BRD9: variants seen among roughly 807,000 people sequenced by gnomAD.
BRD9 encodes the protein bromodomain-containing protein 9.
In BRD9, 47 loss-of-function variants were observed where a neutral mutation model predicts 68.7. The ratio of observed to expected loss-of-function variants is 0.68; its 90% confidence interval spans 0.54 to 0.87. The LOEUF (loss-of-function observed/expected upper bound fraction) is 0.87, where lower values mean the gene tolerates loss of function less well. BRD9 is among the 40% of genes least tolerant of loss of function. The pLI is 0.00. For synonymous variants in BRD9, 313 were observed against 293.9 expected (o/e 1.06, Z -0.67); for missense variants, 670 against 748.4 (o/e 0.90, Z 1.22).
chr5:868,959 G>A (rs1381976893), intron 14 of BRD9: 2 of 201,214 alleles, frequency 9.9e-6, no homozygotes, highest in African/African-American at 4.8e-5. Context: ...CCTCCCAGGT[G>A]AGGGCACAGT....
chr5:885,834 G>A (rs748322458), intron 7 of BRD9, among the ~76,000 whole-genome samples: 4 of 152,208 alleles, frequency 2.6e-5, no homozygotes, highest in Admixed American at 6.5e-5. Flanking sequence ...CGATACTCTC[G>A]CTTTGTTTGG....
chr5:887,474 GA>G lies in BRD9; in HGVS notation c.607-4del. On this transcript the variant is annotated splice_region_variant and splice_polypyrimidine_tract_variant and intron_variant, in intron 5 of 15. Coordinates refer to ENST00000467963, the MANE Select transcript of BRD9 (RefSeq NM_023924.5). ...TCACACATCAGCTTGAAATCTGCCT[GA>G]AAAGAAAACAGGAAAGACTTATCAG... 1 of 1,608,812 alleles carries G rather than the reference GA, an allele frequency of 6.2e-7. No homozygotes were observed. The highest frequency in any genetic ancestry group is 1.3e-5 in the African/African-American group (1 of 74,866).
chr5:881,260 G>A (rs2150599598), intron 8 of BRD9, 78 bp from the exon 9 acceptor site: 2 of 1,325,404 alleles, frequency 1.5e-6, no homozygotes, highest in South Asian at 1.2e-5. Flanking sequence ...CCAACAAGCA[G>A]GGCTTAATGG....
At chr5:889,417 CTAA>C (rs1038587156) in intron 4 of BRD9, among the ~76,000 whole-genome samples, 167 bp downstream of exon 4, 1 of 152,180 alleles carries the variant, frequency 6.6e-6, no homozygotes, top group African/African-American at 2.4e-5. Flanking sequence ...GAGTGAGCCA[CTAA>C]TGAGTTCATG....
chr5:886,775 C>A, intron 6 of BRD9, 68 bp from the exon 7 acceptor site: 1 of 1,609,470 alleles, frequency 6.2e-7, no homozygotes, highest in South Asian at 1.1e-5. Flanking sequence ...CTCCTAGAAT[C>A]AGAAAGGACA....
chr5:889,595 C>T lies in BRD9; in HGVS notation c.453G>A (p.Gln151=). Residue 151 remains glutamine, a synonymous_variant, in exon 4 of 16, where the codon CAG becomes CAA. Transcript: ENST00000467963. The stretch of plus-strand genomic sequence containing the variant: ...GAAACGCCCCGGTTTACCTCTGAAG[C>T]TGGCGGAGGAAGTGTTCCAGGAGTT... ...IQQLLEHFLR[Q]LQRKDPHGFF... is the part of the protein sequence containing the mutation. 1 of 1,613,744 alleles carries T rather than the reference C, an allele frequency of 6.2e-7. No individual in the cohort carries two copies. The highest frequency in any genetic ancestry group is 8.5e-7 in the Non-Finnish European group (1 of 1,179,790).
chr5:865,017 C>T (rs1336310862), intron 15 of BRD9, among the ~76,000 whole-genome samples: 1 of 152,206 alleles, frequency 6.6e-6, no homozygotes, highest in Non-Finnish European at 1.5e-5. Flanking sequence ...CCAAGATTCA[C>T]TCTGCCGACA....
chr5:892,117 C>A, intron 1 of BRD9: 1 of 533,012 alleles, frequency 1.9e-6, no homozygotes, highest in Non-Finnish European at 3.3e-6. Context: ...GTTCACATTA[C>A]TCGTTCAAGA....
In BRD9 at chr5:884,046, A is replaced by G. The variant is rs2150616227; in HGVS notation, c.858T>C (p.Asn286=). 6.2e-7 allele frequency: 1 copy of G among 1,613,752 alleles called. No individual in the cohort carries two copies. The highest frequency in any genetic ancestry group is 8.5e-7 in the Non-Finnish European group (1 of 1,180,028). The part of the protein sequence containing the change: ...VISCMFEPEG[N]ACSLTDSTAE... ...CGGTACTGTCCGTCAAGCTGCAGGC[A>G]TTCCCTTCAGGCTCAAACATGCAGC... Residue 286 remains asparagine, a synonymous_variant, in exon 8 of 16, where the codon AAT becomes AAC. Transcript: ENST00000467963.
chr5:867,187 GGTGT>G (rs1749498808), intron 14 of BRD9, among the ~76,000 whole-genome samples: 1 of 152,228 alleles, frequency 6.6e-6, no homozygotes, highest in African/African-American at 2.4e-5. Flanking sequence ...GCTTCCACAT[GGTGT>G]TGGGTATGTG....
At position 864,339 on chromosome 5, in the gene BRD9, T is replaced by C. The variant is rs1749025875; in HGVS notation, c.*129A>G. On this transcript the variant is annotated 3_prime_UTR_variant, in exon 16 of 16. Coordinates refer to ENST00000467963, the MANE Select transcript of BRD9 (RefSeq NM_023924.5). The stretch of plus-strand genomic sequence containing the variant: ...CTGACATGATACCACAGACAATTCA[T>C]TACCTCCCCGCGGCTGCTTCCCGCA... 2 of 681,660 alleles carry C rather than the reference T, an allele frequency of 2.9e-6. No individual in the cohort carries two copies. The highest frequency in any genetic ancestry group is 4.7e-6 in the Non-Finnish European group (2 of 423,532). 42.2% of individuals were successfully genotyped at this position (681,660 alleles called of 1,614,324 possible).
chr5:876,111 T>C lies in BRD9; in HGVS notation c.1373A>G (p.Gln458Arg). Residue 458 changes from glutamine (Q) to arginine (R), a missense_variant, in exon 12 of 16, where the codon CAG becomes CGG. Around this residue, in one of 5 missense-constraint regions of BRD9, gnomAD observed 280 missense variants for 281.5 expected, o/e 0.99. Coordinates refer to ENST00000467963, the MANE Select transcript of BRD9 (RefSeq NM_023924.5). ...TGGDHSRTLFQLKQRRNVPMK... is the reference protein window; with the variant it reads ...TGGDHSRTLFRLKQRRNVPMK... ...GCGAGTGCAGCCCACCTGCTTCAGC[T>C]GGAAGAGCGTCCTAGAGTGGTCTCC... 1 of 1,612,166 alleles carries C rather than the reference T, an allele frequency of 6.2e-7. No homozygotes were observed. The highest frequency in any genetic ancestry group is 1.1e-5 in the South Asian group (1 of 91,014).
rs181754029 is a variant in BRD9, at chr5:882,944, G to T, written c.966+994C>A. 329 of 257,060 alleles carry T rather than the reference G, an allele frequency of 1.3e-3. 2 individuals are homozygous for T. Among genetic ancestry groups the T allele is most frequent in the Middle Eastern group, 9.2e-3 (6 of 654 alleles). The allele number at this position is 257,060 out of a possible 1,614,324, so 15.9% of individuals were successfully genotyped here. A position where few individuals can be genotyped will look rare whatever the true frequency, so the allele number is the denominator to read the frequency against. ...AGCAACTTCCCAACATGCAAGCCACGTGAACCACAACCTCCCAACACACAA... is the reference window on the plus strand; with the variant it reads ...AGCAACTTCCCAACATGCAAGCCACTTGAACCACAACCTCCCAACACACAA... On this transcript the variant is annotated intron_variant, in intron 8 of 15. Coordinates refer to ENST00000467963, the MANE Select transcript of BRD9 (RefSeq NM_023924.5).
chr5:891,014 G>A, intron 3 of BRD9, 141 bp downstream of exon 3: 2 of 1,097,922 alleles, frequency 1.8e-6, no homozygotes. Context: ...TCAGGCCAGA[G>A]GACACCTGGG....
At position 887,358 on chromosome 5, in the gene BRD9, T is replaced by C. The variant is rs1402297001; in HGVS notation, c.717+3A>G. On this transcript the variant is annotated splice_donor_region_variant and intron_variant, in intron 6 of 15. Transcript: ENST00000467963. The stretch of plus-strand genomic sequence containing the variant: ...AGCTCGCTGCTGCCAGTGAGTTTCT[T>C]ACTTTGCTCATCATCTTAAAGCCTG... The C allele has an allele frequency of 6.2e-7, 1 of 1,608,178 alleles. No homozygotes were observed. Among genetic ancestry groups the C allele is most frequent in the Non-Finnish European group, 8.5e-7 (1 of 1,174,778 alleles).
rs34292369 is a variant in BRD9, at chr5:886,629, C to T, written c.796G>A (p.Ala266Thr). 7.8e-3 allele frequency: 12,635 copies of T among 1,613,968 alleles called. 656 individuals are homozygous for T. The African/African-American group carries it at 0.13, about 16-fold the overall frequency. ...CTACTCGGCTTTTTGGATTTCTTGGCAGTTTCTACTTGTACTGGTACAACT... is the reference window on the plus strand; with the variant it reads ...CTACTCGGCTTTTTGGATTTCTTGGTAGTTTCTACTTGTACTGGTACAACT... ...PEVVPVQVETAKKSKKPSREV... is the reference protein window; with the variant it reads ...PEVVPVQVETTKKSKKPSREV... Residue 266 changes from alanine to threonine, a missense_variant, in exon 7 of 16, where the codon GCC becomes ACC. Around this residue, in one of 5 missense-constraint regions of BRD9, gnomAD observed 135 missense variants for 141.2 expected, o/e 0.96. Transcript: ENST00000467963.
At chr5:872,658 T>A (rs1439835953) in intron 12 of BRD9, among the ~76,000 whole-genome samples, 1 of 152,138 alleles carries the variant, frequency 6.6e-6, no homozygotes, top group East Asian at 1.9e-4. Flanking sequence ...GCTTGGGGAC[T>A]CCCGCCTGGC....
At chr5:867,951 G>A (rs1749596729) in intron 14 of BRD9, among the ~76,000 whole-genome samples, 1 of 152,234 alleles carries the variant, frequency 6.6e-6, no homozygotes, top group Admixed American at 6.5e-5. Flanking sequence ...GTCAGGGGCA[G>A]AATGATACAG....
chr5:871,193 C>G (rs1022811847), intron 13 of BRD9, among the ~76,000 whole-genome samples: 11 of 152,248 alleles, frequency 7.2e-5, no homozygotes, highest in African/African-American at 2.7e-4. Flanking sequence ...CCAGAGCCCA[C>G]TGTGCTTGGG....
Sources: allele counts gnomAD v4.1 joint callset (sites outside exome capture counted in the v4.1 genomes callset), GRCh38; gene constraint gnomAD v4.1.1; regional missense constraint gnomAD v4.1.1; transcripts MANE v1.5; gene names NCBI Gene and HGNC (gene_info 2026-07-23, HGNC 2026-07-21).